The following ZNF100 variants were observed in gnomAD, a reference collection of about 807,000 sequenced individuals.
ZNF100 encodes zinc finger protein 100, also known as zinc finger protein 100 (Y1).
ZNF100 carries 12 observed loss-of-function variants against 15.8 expected under a neutral mutation model. The ratio of observed to expected loss-of-function variants is 0.76; its 90% confidence interval spans 0.49 to 1.23. ZNF100 has a LOEUF of 1.23. ZNF100 is among the 50% of genes most tolerant of loss of function. The probability of loss-of-function intolerance (pLI) is 0.00; values close to 1 mark genes in which losing one functional copy is unlikely to be tolerated. For missense variants in ZNF100, 670 were observed against 635.6 expected, an observed-to-expected ratio of 1.05 and a Z score of -0.58; for synonymous variants, 226 against 214.8, an observed-to-expected ratio of 1.05 and a Z score of -0.45.
chr19:21,726,620 C>G lies in ZNF100; in HGVS notation c.*63G>C. The G allele has an allele frequency of 7.0e-7, 1 of 1,438,746 alleles. No individual in the cohort carries two copies. The highest frequency in any genetic ancestry group is 9.4e-7 in the Non-Finnish European group (1 of 1,058,584). 89.1% of individuals were successfully genotyped at this position (1,438,746 alleles called of 1,614,324 possible). A position where few individuals can be genotyped will look rare whatever the true frequency, so the allele number is the denominator to read the frequency against. ...TTCTTCACAGTCACAGGAGTTCCCTCCAGTATGAATTTTTTTATGTTTAGT... is the reference window on the plus strand; with the variant it reads ...TTCTTCACAGTCACAGGAGTTCCCTGCAGTATGAATTTTTTTATGTTTAGT... On this transcript the variant is annotated 3_prime_UTR_variant, in exon 5 of 5. Transcript: ENST00000358296.
intron 2 of ZNF100, among the ~76,000 whole-genome samples, chr19:21,758,777 T>C (rs1345519215): frequency 6.6e-6 from 1 of 152,112 alleles, no homozygotes; most frequent in Non-Finnish European, 1.5e-5. Flanking sequence ...AATCCTGTGG[T>C]GATAGCTGTG....
At chr19:21,756,574 T>C (rs1236608833) in intron 2 of ZNF100, among the ~76,000 whole-genome samples, 1 of 152,044 alleles carries the variant, frequency 6.6e-6, no homozygotes, top group Non-Finnish European at 1.5e-5. Context: ...CAAACACTGC[T>C]TAAAGAAGTG....
chr19:21,727,498 G>T lies in ZNF100; in HGVS notation c.814C>A (p.Arg272=). 2 of 1,608,728 alleles carry T rather than the reference G, an allele frequency of 1.2e-6. No homozygotes were observed. Among genetic ancestry groups the T allele is most frequent in the Non-Finnish European group, 1.7e-6 (2 of 1,176,262 alleles). Residue 272 remains arginine (R), a synonymous_variant, in exon 5 of 5, where the codon CGG becomes AGG. Transcript: ENST00000358296. ...KCEECGKAFN[R]SSHLTTHKII... Reference sequence around the variant, plus strand: ...TTATGTGTAGTAAGGTGTGAGGACCGGTTAAATGCTTTCCCACATTCTTCA... The same window carrying T: ...TTATGTGTAGTAAGGTGTGAGGACCTGTTAAATGCTTTCCCACATTCTTCA...
At chr19:21,733,977 G>A (rs1051311056) in intron 4 of ZNF100, among the ~76,000 whole-genome samples, 1 of 152,222 alleles carries the variant, frequency 6.6e-6, no homozygotes, top group East Asian at 1.9e-4. Context: ...CCCTACAGAA[G>A]ACGGGCCTGA....
At position 21,765,741 on chromosome 19, in the gene ZNF100, A is replaced by T; in HGVS notation, c.49T>A (p.Cys17Ser). ...AGAAGACTCCTCTCAGCCCCAGGGC[A>T]TCCACTTGCTCCCTTGAGAGGACAC... ...GMCPLKGASG[C>S]PGAERSLLVQ... is the part of the protein sequence containing the mutation. Residue 17 changes from cysteine to serine, a missense_variant, in exon 2 of 5, where the codon TGC (cysteine) becomes AGC (serine). Physicochemically the swap from Cys to Ser is moderately radical, Grantham distance 112. Coordinates refer to ENST00000358296, the MANE Select transcript of ZNF100 (RefSeq NM_173531.4). 6.2e-7 allele frequency: 1 copy of T among 1,614,192 alleles called. No homozygotes were observed. The highest frequency in any genetic ancestry group is 8.5e-7 in the Non-Finnish European group (1 of 1,180,044).
intron 2 of ZNF100, among the ~76,000 whole-genome samples, chr19:21,749,836 T>C (rs2036272662): frequency 6.6e-6 from 1 of 152,128 alleles, no homozygotes; most frequent in African/African-American, 2.4e-5. Flanking sequence ...ATACAGAAAA[T>C]GCCTTCTGTT....
chr19:21,752,053 C>G (rs557591254), intron 2 of ZNF100: 2 of 258,506 alleles, frequency 7.7e-6, no homozygotes, highest in Non-Finnish European at 1.4e-5. Flanking sequence ...AAGAGACGCA[C>G]GGACAACAAG....
intron 2 of ZNF100, among the ~76,000 whole-genome samples, chr19:21,761,484 GTAT>G (rs1406402817): frequency 6.6e-6 from 1 of 152,128 alleles, no homozygotes; most frequent in Non-Finnish European, 1.5e-5. Flanking sequence ...GGGAAAACTG[GTAT>G]TATACCTTGT....
intron 2 of ZNF100, among the ~76,000 whole-genome samples, chr19:21,745,714 G>A (rs1322206681): frequency 6.6e-6 from 1 of 151,808 alleles, no homozygotes; most frequent in Admixed American, 6.6e-5. Flanking sequence ...AGTAGAGACG[G>A]GGTTTCACCT....
chr19:21,762,343 A>G (rs2036495667), intron 2 of ZNF100, among the ~76,000 whole-genome samples: 1 of 152,214 alleles, frequency 6.6e-6, no homozygotes, highest in Admixed American at 6.5e-5. Flanking sequence ...CTTGGTTCCA[A>G]CAAATGCCCA....
At chr19:21,745,828 C>T (rs2036204310) in intron 2 of ZNF100, among the ~76,000 whole-genome samples, 3 of 152,190 alleles carry the variant, frequency 2.0e-5, no homozygotes, top group Admixed American at 1.3e-4. Flanking sequence ...GGCCGAGTTT[C>T]TGAATTTCTA....
At position 21,727,412 on chromosome 19, in the gene ZNF100, C is replaced by T; in HGVS notation, c.900G>A (p.Arg300=). ...RCEECGKAFN[R]SSHLTTHKRI... ...TTTTATGTGTAGTAAGGTGTGAAGA[C>T]CGGTTAAAAGCTTTCCCACATTCTT... Residue 300 remains arginine, a synonymous_variant, in exon 5 of 5, where the codon CGG becomes CGA. Transcript: ENST00000358296. 1 of 1,612,630 alleles carries T rather than the reference C, an allele frequency of 6.2e-7. No homozygotes were observed. Among genetic ancestry groups the T allele is most frequent in the Non-Finnish European group, 8.5e-7 (1 of 1,179,620 alleles).
intron 2 of ZNF100, chr19:21,746,721 T>G (rs1468623420): frequency 1.3e-5 from 2 of 151,938 alleles, no homozygotes; most frequent in Non-Finnish European, 2.9e-5. Context: ...AACTCATTAG[T>G]AAGGAAAAAC....
intron 1 of ZNF100, among the ~76,000 whole-genome samples, chr19:21,766,108 C>T (rs1374850013): frequency 2.6e-5 from 4 of 152,060 alleles, no homozygotes; most frequent in African/African-American, 9.7e-5. Context: ...CTTAAAAGCG[C>T]CATTTAATGC....
rs1178110920 is a variant in ZNF100, at chr19:21,724,869, T to C, written c.*1814A>G. ...GAGTTCGAGACCAGCTTGACTTACA[T>C]TATGAAACCCTGTCTCTACTAAAAT... On this transcript the variant is annotated 3_prime_UTR_variant, in exon 5 of 5. Coordinates refer to ENST00000358296, the MANE Select transcript of ZNF100 (RefSeq NM_173531.4). The C allele has an allele frequency of 6.6e-6, 1 of 152,026 alleles. No individual in the cohort carries two copies. The highest frequency in any genetic ancestry group is 2.4e-5 in the African/African-American group (1 of 41,396). The allele number at this position is 152,026 out of a possible 1,614,324, so 9.4% of individuals were successfully genotyped here. A position where few individuals can be genotyped will look rare whatever the true frequency, so the allele number is the denominator to read the frequency against.
At position 21,728,087 on chromosome 19, in the gene ZNF100, A is replaced by G. The variant is rs887477600; in HGVS notation, c.323-98T>C. On this transcript the variant is annotated intron_variant, in intron 4 of 4. Transcript: ENST00000358296. ...ACAAACTACATAAATAAGATGGCAT[A>G]GGAAAATACCAAAGGCCCTCATTCC... The G allele has an allele frequency of 1.4e-5, 16 of 1,157,622 alleles. No homozygotes were observed. The African/African-American group carries it at 2.6e-4, about 19-fold the overall frequency. The allele number at this position is 1,157,622 out of a possible 1,614,324, so 71.7% of individuals were successfully genotyped here. A position where few individuals can be genotyped will look rare whatever the true frequency, so the allele number is the denominator to read the frequency against.
chr19:21,765,858 C>T, intron 1 of ZNF100, 72 bp from the exon 2 acceptor site: 4 of 1,460,692 alleles, frequency 2.7e-6, no homozygotes, highest in East Asian at 2.3e-5. Flanking sequence ...GCGGATATCT[C>T]GGTTTATCCA....
At chr19:21,764,271 GA>G (rs2036525754) in intron 2 of ZNF100, among the ~76,000 whole-genome samples, 1 of 152,158 alleles carries the variant, frequency 6.6e-6, no homozygotes, top group Non-Finnish European at 1.5e-5. Flanking sequence ...TTAAGTGTCT[GA>G]AAAATCCAGC....
At chr19:21,730,568 A>G (rs1401404480) in intron 4 of ZNF100, among the ~76,000 whole-genome samples, 4 of 141,500 alleles carry the variant, frequency 2.8e-5, no homozygotes, top group Non-Finnish European at 6.3e-5. Context: ...GGACATTTCA[A>G]TAACTTACTT....
Sources: allele counts gnomAD v4.1 joint callset (sites outside exome capture counted in the v4.1 genomes callset), GRCh38; gene constraint gnomAD v4.1.1; transcripts MANE v1.5; gene names NCBI Gene and HGNC (gene_info 2026-07-23, HGNC 2026-07-21).